Variants in CALD1 observed in about 807,000 individuals in gnomAD.
CALD1 encodes caldesmon 1, also known as caldesmon.
In CALD1, 33 loss-of-function variants were observed where a neutral mutation model predicts 99.9. That is an observed-to-expected ratio of 0.33 (90% confidence interval 0.25 to 0.44). The LOEUF is 0.44. CALD1 is among the 20% of genes least tolerant of loss of function. The pLI is 1.00. For missense variants in CALD1, 861 were observed against 962.1 expected (o/e 0.89, Z 1.39); for synonymous variants, 310 against 325.0 (o/e 0.95, Z 0.50).
At chr7:134,912,561 A>C (rs578053643) in intron 3 of CALD1, among the ~76,000 whole-genome samples, 2 of 152,328 alleles carry the variant, frequency 1.3e-5, no homozygotes, top group South Asian at 4.1e-4. Flanking sequence ...GAGAGGGGGA[A>C]TCTCACTGCT....
At chr7:134,731,824 C>T in the CALD1 span, among the ~76,000 whole-genome samples, 2 of 152,174 alleles carry the variant, frequency 1.3e-5, no homozygotes, top group Non-Finnish European at 2.9e-5. Context: ...TCTGGCTTTA[C>T]TAACTCCTTT....
chr7:134,772,491 T>C (rs1796885229), intron 1 of CALD1, among the ~76,000 whole-genome samples: 3 of 152,234 alleles, frequency 2.0e-5, no homozygotes, highest in Non-Finnish European at 1.5e-5. Context: ...CTATGATTTC[T>C]TGCTGAAGAA....
rs1368550853 is a variant in CALD1 at position 134,947,494 on chromosome 7, C to A, written c.1533-14C>A. 2 of 1,564,092 alleles carry A rather than the reference C, an allele frequency of 1.3e-6. No individual in the cohort carries two copies. The highest frequency in any genetic ancestry group is 1.4e-5 in the African/African-American group (1 of 73,362). On this transcript the variant is annotated splice_polypyrimidine_tract_variant and intron_variant, in intron 7 of 14. Transcript: ENST00000361675. Reference sequence around the variant, plus strand: ...AAAGCATGTAAACCCCTTTCCATTGCCCCCCAACCACAGCCGCCCTGGAGG... The same window carrying A: ...AAAGCATGTAAACCCCTTTCCATTGACCCCCAACCACAGCCGCCCTGGAGG...
intron 1 of CALD1, among the ~76,000 whole-genome samples, chr7:134,788,877 T>C (rs1243557167): frequency 6.6e-6 from 1 of 152,002 alleles, no homozygotes; most frequent in Non-Finnish European, 1.5e-5. Flanking sequence ...TAGCCGGCCA[T>C]GGTGGTGTGC....
At chr7:134,860,137 T>A (rs1330914440) in intron 2 of CALD1, among the ~76,000 whole-genome samples, 1 of 152,218 alleles carries the variant, frequency 6.6e-6, no homozygotes, top group Non-Finnish European at 1.5e-5. Flanking sequence ...CTTATTTCTA[T>A]GCTGCTGTTC....
At chr7:134,768,480 G>A (rs796278293) in intron 1 of CALD1, among the ~76,000 whole-genome samples, 26 of 152,270 alleles carry the variant, frequency 1.7e-4, no homozygotes, top group African/African-American at 5.8e-4. Flanking sequence ...ACAAATGTGT[G>A]ACTAAGCTGA....
chr7:134,955,285 C>G (rs6954250), intron 9 of CALD1, among the ~76,000 whole-genome samples: 84,509 of 151,950 alleles, frequency 0.56, 23,754 homozygotes, highest in Admixed American at 0.62. Flanking sequence ...AGCTACTCGA[C>G]GCTGAGGCAG....
intron 1 of CALD1, among the ~76,000 whole-genome samples, chr7:134,801,085 C>T (rs916108772): frequency 9.2e-5 from 14 of 151,954 alleles, no homozygotes; most frequent in African/African-American, 2.9e-4. Context: ...TCTTCTTTCC[C>T]ATGTGTATTC....
chr7:134,805,556 G>C (rs1798104003), intron 1 of CALD1, among the ~76,000 whole-genome samples: 1 of 152,012 alleles, frequency 6.6e-6, no homozygotes, highest in Non-Finnish European at 1.5e-5. Flanking sequence ...CTGTGTTCCT[G>C]TTTTCTATTA....
chr7:134,933,469 A>C lies in CALD1; in HGVS notation c.700A>C (p.Ser234Arg). The change falls in exon 5 of 15, where the codon AGT (serine) becomes CGT (arginine). Residue 234 changes from serine (S) to arginine (R), a missense_variant. By Grantham distance (110) the Ser-to-Arg change is moderately radical (BLOSUM62 -1). Coordinates refer to ENST00000361675, the MANE Select transcript of CALD1 (RefSeq NM_033138.4). Reference protein sequence around the residue: ...VVMSLKNGQISSEEPKQEEER... With the variant: ...VVMSLKNGQIRSEEPKQEEER... The stretch of plus-strand genomic sequence containing the variant: ...AATGTCATTAAAAAATGGGCAGATC[A>C]GTTCAGAAGAGCCTAAACAAGAGGA... 1.9e-6 allele frequency: 3 copies of C among 1,614,050 alleles called. No homozygotes were observed. Among genetic ancestry groups the C allele is most frequent in the Non-Finnish European group, 2.5e-6 (3 of 1,179,988 alleles).
At chr7:134,722,393 GTTTATTTA>G in the CALD1 span, among the ~76,000 whole-genome samples, 100 of 150,868 alleles carry the variant, frequency 6.6e-4, no homozygotes, top group South Asian at 1.7e-3. Flanking sequence ...GTTCGATTTT[GTTTATTTA>G]TTTATTTATT....
chr7:134,881,135 T>C (rs190981685), intron 3 of CALD1, among the ~76,000 whole-genome samples: 1 of 152,260 alleles, frequency 6.6e-6, no homozygotes, highest in East Asian at 1.9e-4. Context: ...TGGTGTCCAG[T>C]TGGGTTATGT....
intron 7 of CALD1, among the ~76,000 whole-genome samples, chr7:134,944,995 C>T (rs1009104542): frequency 1.3e-5 from 2 of 152,126 alleles, no homozygotes; most frequent in African/African-American, 2.4e-5. Flanking sequence ...TCAGGGGTCA[C>T]AGTAGGTGCT....
the CALD1 span, among the ~76,000 whole-genome samples, chr7:134,737,263 T>G: frequency 1.3e-5 from 2 of 151,782 alleles, no homozygotes; most frequent in East Asian, 3.9e-4. Context: ...TAGCTAGGAT[T>G]ACAGGTGCAC....
chr7:134,791,628 C>T (rs968020319), intron 1 of CALD1, among the ~76,000 whole-genome samples: 2 of 151,878 alleles, frequency 1.3e-5, no homozygotes, highest in Non-Finnish European at 2.9e-5. Flanking sequence ...TCAGATAATC[C>T]GAAGAGGCAT....
chr7:134,777,387 AT>A (rs746415306), upstream of CALD1, among the ~76,000 whole-genome samples: 2 of 152,104 alleles, frequency 1.3e-5, no homozygotes, highest in African/African-American at 2.4e-5. Context: ...GAAACATACT[AT>A]TTTTTTTATC....
upstream of CALD1, among the ~76,000 whole-genome samples, chr7:134,742,349 C>T (rs1796598890): frequency 6.6e-6 from 1 of 152,216 alleles, no homozygotes; most frequent in Non-Finnish European, 1.5e-5. Flanking sequence ...TAAATGAGAT[C>T]ACCCTTGGAG....
chr7:134,712,220 T>A, the CALD1 span, among the ~76,000 whole-genome samples: 3 of 152,222 alleles, frequency 2.0e-5, no homozygotes, highest in African/African-American at 7.2e-5. Context: ...AGTACAGATC[T>A]CTTACCATTT....
intron 1 of CALD1, among the ~76,000 whole-genome samples, chr7:134,748,222 C>T (rs1796652726): frequency 6.6e-6 from 1 of 152,244 alleles, no homozygotes; most frequent in South Asian, 2.1e-4. Context: ...CCTGTCCCAT[C>T]GTTTTATTTT....
Sources: gnomAD v4.1 joint callset for allele counts (sites outside exome capture counted in the v4.1 genomes callset) on GRCh38, gnomAD v4.1.1 for gene constraint, MANE v1.5 for transcripts, NCBI Gene and HGNC (gene_info 2026-07-23, HGNC 2026-07-21) for gene names.